The following NFIX variants were observed in gnomAD, a reference collection of about 807,000 sequenced individuals.
NFIX encodes nuclear factor 1 X-type.
In NFIX, 2 loss-of-function variants were observed where a neutral mutation model predicts 53.3. The observed-to-expected ratio is 0.04, with a 90% CI of 0.02 to 0.12. NFIX has a LOEUF of 0.12. NFIX is among the 10% of genes least tolerant of loss of function. The probability of loss-of-function intolerance (pLI) is 1.00; values close to 1 mark genes in which losing one functional copy is unlikely to be tolerated. For synonymous variants in NFIX, 244 were observed against 289.0 expected (o/e 0.84, Z 1.58); for missense variants, 310 against 674.5 (o/e 0.46, Z 5.99).
rs1406984770 is a variant in NFIX at position 13,090,806 on chromosome 19, G to A, written c.1494+416G>A. Among the ~76,000 whole-genome samples the A allele has an allele frequency of 2.0e-5, 3 of 152,220 alleles. No individual in the cohort carries two copies. Among genetic ancestry groups the A allele is most frequent in the Non-Finnish European group, 4.4e-5 (3 of 68,030 alleles). ...TTTCCCCTGGCGTTGGGTGGGCTGG[G>A]TGACGGGTGGAGGAGGGACAGAGGG... On this transcript the variant is annotated intron_variant, in intron 10 of 10. Coordinates refer to ENST00000592199, the MANE Select transcript of NFIX (RefSeq NM_001365902.3). This position sits in a 1 kb window ranked among gnomAD's most constrained non-coding sequence, Gnocchi z 6.6.
At chr19:13,024,948 CT>C in intron 1 of NFIX, 72 bp from the exon 2 acceptor site, 1 of 1,540,948 alleles carries the variant, frequency 6.5e-7, no homozygotes, top group Non-Finnish European at 8.8e-7. Flanking sequence ...CTCCTTCTCT[CT>C]TTCCCCCTCA....
At chr19:13,018,377 G>C (rs988687796) in intron 1 of NFIX, among the ~76,000 whole-genome samples, 45 of 145,522 alleles carry the variant, frequency 3.1e-4, no homozygotes, top group Non-Finnish European at 5.7e-4. Flanking sequence ...AGAAGTGTGC[G>C]GCCTGGCTGT....
chr19:13,088,259 A>G lies in NFIX; in HGVS notation c.1402+123A>G. 2.5e-6 allele frequency: 3 copies of G among 1,179,130 alleles called. No homozygotes were observed. The highest frequency in any genetic ancestry group is 5.0e-5 in the Admixed American group (2 of 40,002). 73.0% of individuals were successfully genotyped at this position (1,179,130 alleles called of 1,614,324 possible). A position where few individuals can be genotyped will look rare whatever the true frequency, so the allele number is the denominator to read the frequency against. On this transcript the variant is annotated intron_variant, in intron 9 of 10. Coordinates refer to ENST00000592199, the MANE Select transcript of NFIX (RefSeq NM_001365902.3). This position sits in a 1 kb window ranked among gnomAD's most constrained non-coding sequence, Gnocchi z 5.9. ...CCAAAGCCCCCCAACCCAGAGCACCATGGACAAGAGCAGAGCCGAGCCCCC... is the reference window on the plus strand; with the variant it reads ...CCAAAGCCCCCCAACCCAGAGCACCGTGGACAAGAGCAGAGCCGAGCCCCC...
At position 13,084,158 on chromosome 19, in the gene NFIX, T is replaced by C. The variant is rs111666426; in HGVS notation, c.1254+2303T>C. ...GGAAAATGTCTGCATAGAAGAATTT[T>C]AGGCTGGGCGTGGTGGCTCACACCT... On this transcript the variant is annotated intron_variant, in intron 8 of 10. Coordinates refer to ENST00000592199, the MANE Select transcript of NFIX (RefSeq NM_001365902.3). Among the ~76,000 whole-genome samples, 511 of 152,308 alleles carry C rather than the reference T, an allele frequency of 3.4e-3. 3 individuals carry two copies. Among genetic ancestry groups the C allele is most frequent in the African/African-American group, 0.012 (486 of 41,556 alleles).
At chr19:13,007,732 G>A (rs1394568765) in intron 1 of NFIX, among the ~76,000 whole-genome samples, 2 of 134,350 alleles carry the variant, frequency 1.5e-5, no homozygotes, top group East Asian at 2.6e-4. Context: ...CGCTGCCCGC[G>A]CCTCTCTCGG....
chr19:13,017,009 G>A (rs1021266341), intron 1 of NFIX, among the ~76,000 whole-genome samples: 4 of 152,168 alleles, frequency 2.6e-5, no homozygotes, highest in Non-Finnish European at 4.4e-5. Context: ...TCAACAGAGC[G>A]AGGGCGCCTC....
In NFIX at chr19:13,040,256, C is replaced by G. The variant is rs2014523171; in HGVS notation, c.559+14704C>G. Reference sequence around the variant, plus strand: ...GTGGGCTCAGCCCACCCCACCCTCTCATAGGCCTTTTCTTGGTCTCCTTGG... The same window carrying G: ...GTGGGCTCAGCCCACCCCACCCTCTGATAGGCCTTTTCTTGGTCTCCTTGG... On this transcript the variant is annotated intron_variant, in intron 2 of 10. Coordinates refer to ENST00000592199, the MANE Select transcript of NFIX (RefSeq NM_001365902.3). This position sits in a 1 kb window ranked among gnomAD's most constrained non-coding sequence, Gnocchi z 4.2. Among the ~76,000 whole-genome samples the G allele has an allele frequency of 6.6e-6, 1 of 152,344 alleles. No homozygotes were observed. The highest frequency in any genetic ancestry group is 2.1e-4 in the South Asian group (1 of 4,820).
At chr19:13,015,186 T>C (rs553249659) in intron 1 of NFIX, among the ~76,000 whole-genome samples, 1 of 152,212 alleles carries the variant, frequency 6.6e-6, no homozygotes, top group African/African-American at 2.4e-5. Flanking sequence ...TCTTTTTACA[T>C]AAGCAGAAAC....
chr19:13,024,113 C>CAAAAAAAAAAAAAAAAAAAACAAA, intron 1 of NFIX: 1 of 412,068 alleles, frequency 2.4e-6, no homozygotes, highest in Admixed American at 4.9e-5. Flanking sequence ...AGCAAACAAC[C>CAAAAAAAAAAAAAAAAAAAACAAA]AAAAAAAAAA....
chr19:13,007,524 TGGCAAG>T (rs1216759825), intron 1 of NFIX, among the ~76,000 whole-genome samples: 7 of 152,312 alleles, frequency 4.6e-5, no homozygotes. Context: ...GGCCCTGGCA[TGGCAAG>T]GGCAAGGCTT....
chr19:13,055,065 T>C (rs1304070524), intron 2 of NFIX, among the ~76,000 whole-genome samples: 3 of 149,774 alleles, frequency 2.0e-5, no homozygotes, highest in African/African-American at 7.4e-5. Context: ...CTTCTCTCTC[T>C]CCCCCGCTCT....
Position 13,066,243 on chromosome 19 carries a change from G to A in NFIX, c.560-6804G>A, listed in dbSNP as rs995144297. ...TGCTCCAGGGGCACCCGTAGAGGCC[G>A]GGATGTGTTGGAATGGAGAAAGTAG... On this transcript the variant is annotated intron_variant, in intron 2 of 10. Coordinates refer to ENST00000592199, the MANE Select transcript of NFIX (RefSeq NM_001365902.3). This position sits in a 1 kb window ranked among gnomAD's most constrained non-coding sequence, Gnocchi z 4.2. Among the ~76,000 whole-genome samples, 23 of 152,176 alleles carry A rather than the reference G, an allele frequency of 1.5e-4. No individual in the cohort carries two copies. The highest frequency in any genetic ancestry group is 5.1e-4 in the African/African-American group (21 of 41,424).
intron 8 of NFIX, among the ~76,000 whole-genome samples, chr19:13,087,062 G>C (rs1164765629): frequency 6.6e-6 from 1 of 152,222 alleles, no homozygotes; most frequent in Non-Finnish European, 1.5e-5. Flanking sequence ...GTGGTCATCA[G>C]GGTCCTGTTC....
At position 13,093,784 on chromosome 19, in the gene NFIX, G is replaced by A. The variant is rs79187570; in HGVS notation, c.1495-851G>A. Among the ~76,000 whole-genome samples, 635 of 152,252 alleles carry A rather than the reference G, an allele frequency of 4.2e-3. 1 individual carries two copies. Among genetic ancestry groups the A allele is most frequent in the Middle Eastern group, 0.01 (3 of 294 alleles). ...CAACGGTACTACCAGGTGCACCCAGGCCCAGTAGACCACAGTAGACCCTGA... is the reference window on the plus strand; with the variant it reads ...CAACGGTACTACCAGGTGCACCCAGACCCAGTAGACCACAGTAGACCCTGA... On this transcript the variant is annotated intron_variant, in intron 10 of 10. Coordinates refer to ENST00000592199, the MANE Select transcript of NFIX (RefSeq NM_001365902.3). This position sits in a 1 kb window ranked among gnomAD's most constrained non-coding sequence, Gnocchi z 4.7.
rs563468902 is a variant in NFIX at position 13,022,930 on chromosome 19, T to C, written c.28-2091T>C. Among the ~76,000 whole-genome samples, 27 of 152,220 alleles carry C rather than the reference T, an allele frequency of 1.8e-4. No individual in the cohort carries two copies. Among genetic ancestry groups the C allele is most frequent in the African/African-American group, 6.5e-4 (27 of 41,532 alleles). On this transcript the variant is annotated intron_variant, in intron 1 of 10. Transcript: ENST00000592199. The surrounding 1 kb of genome is among the most constrained non-coding windows in gnomAD (Gnocchi z 4.5). ...TGTTCATTAGACGTGAACTTGTCGATTGGGCAAATTGTTTTTGGTCTCCAA... is the reference window on the plus strand; with the variant it reads ...TGTTCATTAGACGTGAACTTGTCGACTGGGCAAATTGTTTTTGGTCTCCAA...
intron 8 of NFIX, among the ~76,000 whole-genome samples, chr19:13,085,921 G>A (rs1384970734): frequency 6.6e-6 from 1 of 152,214 alleles, no homozygotes; most frequent in East Asian, 1.9e-4. Flanking sequence ...TTGTTGGGGA[G>A]CTGGCAGGGA....
chr19:12,997,607 C>G (rs1324492043), intron 1 of NFIX, among the ~76,000 whole-genome samples: 1 of 152,204 alleles, frequency 6.6e-6, no homozygotes, highest in Admixed American at 6.5e-5. Flanking sequence ...CTTGGCTGGG[C>G]TGTGTGGCCG....
Position 13,002,381 on chromosome 19 carries a change from T to C in NFIX, c.27+6517T>C, listed in dbSNP as rs2011757604. ...AAGGGCTAGCTCCCCAACCCCCCCTTCCTCACCACCTCCCCCCTCCCGAGG... is the reference window on the plus strand; with the variant it reads ...AAGGGCTAGCTCCCCAACCCCCCCTCCCTCACCACCTCCCCCCTCCCGAGG... On this transcript the variant is annotated intron_variant, in intron 1 of 10. Coordinates refer to ENST00000592199, the MANE Select transcript of NFIX (RefSeq NM_001365902.3). The surrounding 1 kb of genome is among the most constrained non-coding windows in gnomAD (Gnocchi z 6.1). Among the ~76,000 whole-genome samples the C allele has an allele frequency of 1.3e-5, 2 of 151,330 alleles. No homozygotes were observed.
chr19:13,097,607 C>T lies in NFIX; in HGVS notation c.*2958C>T, dbSNP rs902087796. 1.3e-5 allele frequency: 2 copies of T among 151,614 alleles called. No individual in the cohort carries two copies. Among genetic ancestry groups the T allele is most frequent in the African/African-American group, 4.9e-5 (2 of 41,100 alleles). The allele number at this position is 151,614 out of a possible 1,614,324, so 9.4% of individuals were successfully genotyped here. ...CTCCCCGGGCGCCCCTCCCTGGGGC[C>T]CAGCACCCCTCCTCGCCCCATCCCC... On this transcript the variant is annotated 3_prime_UTR_variant, in exon 11 of 11. Coordinates refer to ENST00000592199, the MANE Select transcript of NFIX (RefSeq NM_001365902.3).
Sources: gnomAD v4.1 joint callset for allele counts (sites outside exome capture counted in the v4.1 genomes callset) on GRCh38, gnomAD v4.1.1 for gene constraint, Gnocchi (gnomAD v3.1) non-coding constraint, MANE v1.5 for transcripts, NCBI Gene and HGNC (gene_info 2026-07-23, HGNC 2026-07-21) for gene names.